Variants in ADGRL2 observed in about 807,000 individuals in gnomAD.
ADGRL2 encodes adhesion G protein-coupled receptor L2, also known as calcium-independent alpha-latrotoxin receptor 2.
In ADGRL2, 44 loss-of-function variants were observed where a neutral mutation model predicts 157.4. The observed-to-expected ratio is 0.28, with a 90% CI of 0.22 to 0.36. The LOEUF is 0.36. Ranked by LOEUF, ADGRL2 falls within the 10% of genes least tolerant of loss-of-function variation. The pLI is 1.00. For missense variants in ADGRL2, 1,510 were observed against 1,768.9 expected (o/e 0.85, Z 2.63); for synonymous variants, 585 against 624.7 (o/e 0.94, Z 0.95).
At chr1:81,961,143 G>C (rs1177316517) in intron 11 of ADGRL2, among the ~76,000 whole-genome samples, 2 of 152,186 alleles carry the variant, frequency 1.3e-5, no homozygotes. Flanking sequence ...GTGAGGCTCT[G>C]AATGGCTCTC....
intron 3 of ADGRL2, among the ~76,000 whole-genome samples, chr1:81,689,651 A>G (rs2083294125): frequency 6.6e-6 from 1 of 152,138 alleles, no homozygotes; most frequent in Admixed American, 6.5e-5. Context: ...GTCTTCGTCC[A>G]CCCACTGGCA....
At chr1:81,601,014 G>A (rs4417125) in intron 3 of ADGRL2, among the ~76,000 whole-genome samples, 81,400 of 152,010 alleles carry the variant, frequency 0.54, 22,084 homozygotes, top group East Asian at 0.68. Flanking sequence ...CGACACTCAA[G>A]TAATGAGTGT....
chr1:81,784,547 G>A (rs1374324978), intron 2 of ADGRL2, among the ~76,000 whole-genome samples: 1 of 152,050 alleles, frequency 6.6e-6, no homozygotes, highest in Non-Finnish European at 1.5e-5. Flanking sequence ...GGCCAACATG[G>A]TGAAACCCTA....
At chr1:81,383,304 T>C (rs1273588655) in intron 1 of ADGRL2, among the ~76,000 whole-genome samples, 10 of 152,192 alleles carry the variant, frequency 6.6e-5, no homozygotes, top group South Asian at 6.2e-4. Flanking sequence ...ACTTAAAATA[T>C]ACAAAATTTG....
At chr1:81,848,136 G>A (rs9662794) in intron 2 of ADGRL2, among the ~76,000 whole-genome samples, 7,216 of 151,604 alleles carry the variant, frequency 0.048, 510 homozygotes, top group African/African-American at 0.15. Context: ...AAAGATATAG[G>A]GTACTGATAT....
At chr1:81,389,140 G>A (rs1041418452) in intron 1 of ADGRL2, among the ~76,000 whole-genome samples, 8 of 152,030 alleles carry the variant, frequency 5.3e-5, no homozygotes, top group African/African-American at 1.9e-4. Context: ...TTAAGAAAAC[G>A]TTTTTAATAC....
At chr1:81,531,863 A>G (rs1309139405) in intron 2 of ADGRL2, among the ~76,000 whole-genome samples, 1 of 152,158 alleles carries the variant, frequency 6.6e-6, no homozygotes, top group Non-Finnish European at 1.5e-5. Context: ...ATAAGCCCCT[A>G]AATTTCTTAA....
intron 1 of ADGRL2, among the ~76,000 whole-genome samples, chr1:81,745,375 A>G (rs939356409): frequency 1.3e-4 from 20 of 152,128 alleles, no homozygotes; most frequent in African/African-American, 4.8e-4. Context: ...AGGAAAAACA[A>G]TTATTCTTCT....
intron 1 of ADGRL2, among the ~76,000 whole-genome samples, chr1:81,376,346 G>A (rs2076249628): frequency 6.6e-6 from 1 of 152,130 alleles, no homozygotes; most frequent in Non-Finnish European, 1.5e-5. Flanking sequence ...ACATTGCCTA[G>A]TGGCCTGGTA....
In ADGRL2 at chr1:81,383,775, T is replaced by C. The variant is rs376382396; in HGVS notation, c.-301-61261T>C. On this transcript the variant is annotated intron_variant, in intron 1 of 24. Coordinates refer to the ADGRL2 transcript ENST00000370721. Reference sequence around the variant, plus strand: ...GTCAGGAGATTGAGACCATCCTGGCTAACACGGTGAACTCCCATCTCTACT... The same window carrying C: ...GTCAGGAGATTGAGACCATCCTGGCCAACACGGTGAACTCCCATCTCTACT... Among the ~76,000 whole-genome samples the C allele has an allele frequency of 9.0e-4, 103 of 114,584 alleles. No individual in the cohort carries two copies. In the South Asian group the frequency reaches 0.014, roughly 16 times the overall value. 75.2% of individuals were successfully genotyped at this position (114,584 alleles called of 152,430 possible).
At chr1:81,647,423 C>G (rs2082335297) in intron 3 of ADGRL2, among the ~76,000 whole-genome samples, 1 of 152,168 alleles carries the variant, frequency 6.6e-6, no homozygotes, top group Non-Finnish European at 1.5e-5. Context: ...ACATATCCCA[C>G]AAGTGGATAA....
intron 3 of ADGRL2, among the ~76,000 whole-genome samples, chr1:81,597,548 T>C (rs1201970161): frequency 2.0e-5 from 3 of 152,194 alleles, no homozygotes; most frequent in African/African-American, 7.2e-5. Context: ...ATAATAACCA[T>C]ATGGATAGGT....
intron 1 of ADGRL2, among the ~76,000 whole-genome samples, chr1:81,724,965 G>T (rs539038191): frequency 1.3e-5 from 2 of 152,222 alleles, no homozygotes; most frequent in Non-Finnish European, 2.9e-5. Context: ...CAGCACTTCG[G>T]GAGGCCGAGG....
chr1:81,632,333 G>A (rs1237013746), intron 3 of ADGRL2, among the ~76,000 whole-genome samples: 1 of 152,204 alleles, frequency 6.6e-6, no homozygotes, highest in Non-Finnish European at 1.5e-5. Context: ...GACCTCCTGT[G>A]CAGGAACTAT....
intron 3 of ADGRL2, among the ~76,000 whole-genome samples, chr1:81,605,528 T>TTC (rs755993348): frequency 6.6e-6 from 1 of 152,184 alleles, no homozygotes; most frequent in Non-Finnish European, 1.5e-5. Flanking sequence ...GAGACCCTTC[T>TTC]TCATCACATT....
intron 1 of ADGRL2, among the ~76,000 whole-genome samples, chr1:81,828,618 T>A (rs1023636861): frequency 4.6e-5 from 7 of 152,146 alleles, no homozygotes; most frequent in African/African-American, 1.7e-4. Context: ...GTTTCTTTTT[T>A]ATTAAATGTC....
chr1:81,680,376 G>GTTCAT (rs1164726214), intron 3 of ADGRL2, among the ~76,000 whole-genome samples: 4 of 152,148 alleles, frequency 2.6e-5, no homozygotes, highest in African/African-American at 9.7e-5. Flanking sequence ...TTCCAGCAAT[G>GTTCAT]TTCATTTCAT....
chr1:81,394,879 TTTTATTTATTTATTTA>T lies in ADGRL2; in HGVS notation c.-301-50132_-301-50117del, dbSNP rs57145205. 2.2e-4 allele frequency among the ~76,000 whole-genome samples: 32 copies of T among 143,286 alleles called. 1 individual carries two copies. In the South Asian group the frequency reaches 4.8e-3, roughly 22 times the overall value. 94.0% of individuals were successfully genotyped at this position (143,286 alleles called of 152,430 possible). A position where few individuals can be genotyped will look rare whatever the true frequency, so the allele number is the denominator to read the frequency against. On this transcript the variant is annotated intron_variant, in intron 1 of 24. Transcript: ENST00000370721. ...GCATTTGTTATATTTTGTCTCTCTT[TTTTATTTATTTATTTA>T]TTTATTTATTTATTTATTTATTTAG...
intron 2 of ADGRL2, among the ~76,000 whole-genome samples, chr1:81,529,644 C>G (rs1171777992): frequency 6.6e-6 from 1 of 152,212 alleles, no homozygotes; most frequent in African/African-American, 2.4e-5. Flanking sequence ...CATTTTTGAA[C>G]CACTGTTGGT....
Sources: allele counts gnomAD v4.1 joint callset (sites outside exome capture counted in the v4.1 genomes callset), GRCh38; gene constraint gnomAD v4.1.1; transcripts MANE v1.5; gene names NCBI Gene and HGNC (gene_info 2026-07-23, HGNC 2026-07-21).